CCDC175: variants seen among roughly 807,000 people sequenced by gnomAD.
CCDC175 encodes coiled-coil domain containing 175, also known as coiled-coil domain-containing protein 175.
Under a neutral mutation model 114.6 loss-of-function variants are expected in CCDC175, and 100 were observed. The observed-to-expected ratio is 0.87, with a 90% CI of 0.74 to 1.03. The LOEUF (loss-of-function observed/expected upper bound fraction) is 1.03, where lower values mean the gene tolerates loss of function less well. Ranked by LOEUF, CCDC175 falls within the 50% of genes least tolerant of loss-of-function variation. The pLI, the probability that CCDC175 is intolerant of heterozygous loss-of-function variation, is 0.00. For missense variants in CCDC175, 880 were observed against 917.8 expected (o/e 0.96, Z 0.53); for synonymous variants, 306 against 308.7 (o/e 0.99, Z 0.09).
chr14:59,505,427 T>C lies in CCDC175; in HGVS notation c.2306-112A>G, dbSNP rs539006811. ...CCCAAAGAATCCTCAATTGAGTAAT[T>C]GTATAATCGGGGTAGAGTAGGGAGG... On this transcript the variant is annotated intron_variant, in intron 19 of 19. Coordinates refer to ENST00000537690, the MANE Select transcript of CCDC175 (RefSeq NM_001164399.2). 4.5e-5 allele frequency: 21 copies of C among 466,536 alleles called. No individual in the cohort carries two copies. In the South Asian group the frequency reaches 9.3e-4, roughly 21 times the overall value. 28.9% of individuals were successfully genotyped at this position (466,536 alleles called of 1,614,324 possible). A position where few individuals can be genotyped will look rare whatever the true frequency, so the allele number is the denominator to read the frequency against.
chr14:59,551,675 C>T (rs1453793128), intron 7 of CCDC175, among the ~76,000 whole-genome samples: 2 of 152,214 alleles, frequency 1.3e-5, no homozygotes, highest in Non-Finnish European at 2.9e-5. Context: ...CGAGGCATCA[C>T]CTCACCTAGG....
In CCDC175 at chr14:59,529,336, G is replaced by A. The variant is rs144437482; in HGVS notation, c.1763-2162C>T. 1.2e-4 allele frequency among the ~76,000 whole-genome samples: 19 copies of A among 152,246 alleles called. No individual in the cohort carries two copies. The East Asian group carries it at 1.7e-3, about 14-fold the overall frequency. On this transcript the variant is annotated intron_variant, in intron 14 of 19. Coordinates refer to ENST00000537690, the MANE Select transcript of CCDC175 (RefSeq NM_001164399.2). ...CTCTCAGCCATATCTGATGCCTTGC[G>A]GTCTGAAGCCATCTGGTCCAGTTTC...
At chr14:59,573,874 C>T (rs537048189) in intron 2 of CCDC175, among the ~76,000 whole-genome samples, 8 of 152,126 alleles carry the variant, frequency 5.3e-5, no homozygotes, top group South Asian at 2.1e-4. Flanking sequence ...CCTGGCCTCC[C>T]GGAGTGCTGG....
rs967034243 is a variant in CCDC175 at position 59,514,093 on chromosome 14, G to T, written c.2099-2290C>A. On this transcript the variant is annotated intron_variant, in intron 17 of 19. Transcript: ENST00000537690. ...ACCTCCAGCAAACTCCAACAGACCT[G>T]CAGCTGAAGGTCCTGACTGTTAGAA... is the stretch of plus-strand genomic sequence containing the variant. 3.3e-5 allele frequency among the ~76,000 whole-genome samples: 5 copies of T among 152,204 alleles called. No individual in the cohort carries two copies. In the South Asian group the frequency reaches 8.3e-4, roughly 25 times the overall value.
rs1260460943 is a variant in CCDC175 at position 59,562,773 on chromosome 14, T to G, written c.843+964A>C. ...ATTTATGAGGCCACAACTGGAAATA[T>G]GAGCGTGGGCATGCAGATAGAATAC... On this transcript the variant is annotated intron_variant, in intron 6 of 19. Coordinates refer to ENST00000537690, the MANE Select transcript of CCDC175 (RefSeq NM_001164399.2). Among the ~76,000 whole-genome samples, 3 of 152,352 alleles carry G rather than the reference T, an allele frequency of 2.0e-5. No homozygotes were observed. In the East Asian group the frequency reaches 5.8e-4, roughly 29 times the overall value.
Position 59,527,105 on chromosome 14 carries a change from A to T in CCDC175, c.1832T>A (p.Ile611Asn), listed in dbSNP as rs1893789522. ...GCATTGATCTTTTACCATGTTGCTA[A>T]TGTATCTTGAAAAGTCCCTTGTAAA... ...FLFTRDFSRY[I>N]SNMEDVKQEL... The change falls in exon 15 of 20, where the codon ATT (isoleucine) becomes AAT (asparagine). Residue 611 changes from isoleucine (I) to asparagine (N), a missense_variant. By Grantham distance (149) the Ile-to-Asn change is moderately radical. Transcript: ENST00000537690. 1 of 1,449,982 alleles carries T rather than the reference A, an allele frequency of 6.9e-7. No individual in the cohort carries two copies. Among genetic ancestry groups the T allele is most frequent in the Non-Finnish European group, 9.2e-7 (1 of 1,092,844 alleles). 89.8% of individuals were successfully genotyped at this position (1,449,982 alleles called of 1,614,324 possible).
chr14:59,537,958 A>G, intron 13 of CCDC175, 65 bp downstream of exon 13: 515 of 827,840 alleles, frequency 6.2e-4, no homozygotes, highest in East Asian at 9.9e-4. Context: ...ATAGCATGAA[A>G]TATTATTCCC....
chr14:59,512,932 G>T (rs113328337), intron 17 of CCDC175, among the ~76,000 whole-genome samples: 3,434 of 151,886 alleles, frequency 0.023, 44 homozygotes, highest in Middle Eastern at 0.034. Flanking sequence ...TACAGGTGAA[G>T]AATTCTATTA....
At chr14:59,510,923 G>A in intron 18 of CCDC175, 115 bp from the exon 19 acceptor site, 2 of 919,910 alleles carry the variant, frequency 2.2e-6, no homozygotes, top group South Asian at 3.6e-5. Flanking sequence ...ATTGGTATCA[G>A]TCATAAAAAT....
chr14:59,536,266 C>T (rs757296804), intron 13 of CCDC175, among the ~76,000 whole-genome samples: 1 of 152,188 alleles, frequency 6.6e-6, no homozygotes, highest in East Asian at 2.0e-4. Context: ...CCGGAGCCAT[C>T]TCCTGCAGAC....
intron 16 of CCDC175, among the ~76,000 whole-genome samples, chr14:59,524,801 T>C (rs1178638080): frequency 1.3e-5 from 2 of 152,190 alleles, no homozygotes; most frequent in East Asian, 3.8e-4. Context: ...AGCCAAAAAC[T>C]AGAAACTCTC....
chr14:59,568,504 T>G (rs1896679083), intron 3 of CCDC175, 124 bp from the exon 4 acceptor site: 1 of 755,484 alleles, frequency 1.3e-6, no homozygotes, highest in Admixed American at 3.6e-5. Context: ...CAAGCATTTC[T>G]TACTCCCTTG....
intron 7 of CCDC175, among the ~76,000 whole-genome samples, chr14:59,557,516 A>G (rs1895980755): frequency 6.6e-6 from 1 of 151,468 alleles, no homozygotes; most frequent in South Asian, 2.1e-4. Context: ...ACCTAATGTA[A>G]ATGACGAGTT....
chr14:59,517,549 G>A (rs368344964), intron 17 of CCDC175, among the ~76,000 whole-genome samples: 1,825 of 152,136 alleles, frequency 0.012, 29 homozygotes, highest in African/African-American at 0.042. Context: ...GAGCCAAATC[G>A]TGAGTGAACT....
chr14:59,516,161 C>G (rs1282904054), intron 17 of CCDC175, among the ~76,000 whole-genome samples: 1 of 152,120 alleles, frequency 6.6e-6, no homozygotes. Flanking sequence ...GGGACACATT[C>G]AAAGCAGTAT....
At chr14:59,551,207 T>C (rs920982834) in intron 8 of CCDC175, 148 bp downstream of exon 8, 3 of 480,784 alleles carry the variant, frequency 6.2e-6, no homozygotes, top group African/African-American at 4.0e-5. Flanking sequence ...TGGGAGGAGA[T>C]AAAATTTTTT....
At chr14:59,524,731 T>G (rs1181095455) in intron 16 of CCDC175, among the ~76,000 whole-genome samples, 1 of 152,168 alleles carries the variant, frequency 6.6e-6, no homozygotes, top group Non-Finnish European at 1.5e-5. Flanking sequence ...AACAGAAATA[T>G]GTATGTATGT....
In CCDC175 at chr14:59,517,188, C is replaced by T. The variant is rs559015322; in HGVS notation, c.2098+4386G>A. ...TGTATCTCAAAATAATAAGAGCTAT[C>T]TATGACAAACCCACAGCCAATATCA... On this transcript the variant is annotated intron_variant, in intron 17 of 19. Transcript: ENST00000537690. 7.2e-3 allele frequency among the ~76,000 whole-genome samples: 1,099 copies of T among 152,226 alleles called. 13 individuals carry two copies. The highest frequency in any genetic ancestry group is 0.025 in the African/African-American group (1,030 of 41,540).
chr14:59,535,233 A>G (rs1452414320), intron 13 of CCDC175, among the ~76,000 whole-genome samples: 2 of 152,198 alleles, frequency 1.3e-5, no homozygotes, highest in Non-Finnish European at 2.9e-5. Context: ...GGGTGGACAC[A>G]GTCCTGCAGT....
Sources: gnomAD v4.1 joint callset for allele counts (sites outside exome capture counted in the v4.1 genomes callset) on GRCh38, gnomAD v4.1.1 for gene constraint, MANE v1.5 for transcripts, NCBI Gene and HGNC (gene_info 2026-07-23, HGNC 2026-07-21) for gene names.